The following INSL6 variants were observed in gnomAD, a reference collection of about 807,000 sequenced individuals.
INSL6 encodes the protein insulin-like peptide INSL6.
INSL6 carries 16 observed loss-of-function variants against 9.4 expected under a neutral mutation model. That is an observed-to-expected ratio of 1.70 (90% CI 1.15 to 2.59). INSL6 has a LOEUF of 2.59. Among genes scored for constraint, INSL6 ranks in the 30% most tolerant of loss-of-function variants. The pLI is 0.00. For missense variants in INSL6, 391 were observed against 257.3 expected, an observed-to-expected ratio of 1.52 and a Z score of -3.56; for synonymous variants, 154 against 96.9, an observed-to-expected ratio of 1.59 and a Z score of -3.46.
At chr9:5,005,546 A>G in the INSL6 span, among the ~76,000 whole-genome samples, 1 of 152,032 alleles carries the variant, frequency 6.6e-6, no homozygotes, top group Non-Finnish European at 1.5e-5. Context: ...TTAAAGTGTT[A>G]TTGGATTTAA....
intron 2 of INSL6, among the ~76,000 whole-genome samples, chr9:5,147,055 T>C (rs1342681220): frequency 2.2e-4 from 33 of 152,146 alleles, no homozygotes; most frequent in Non-Finnish European, 1.2e-4. Context: ...AAGTCTCTTA[T>C]GGGAGCAAGC....
downstream of INSL6, among the ~76,000 whole-genome samples, chr9:5,160,629 A>ATACTGGAG (rs1824906048): frequency 6.6e-6 from 1 of 152,208 alleles, no homozygotes; most frequent in Non-Finnish European, 1.5e-5. Flanking sequence ...ATTGAAATGA[A>ATACTGGAG]TACAAAAGAT....
chr9:5,044,844 ATAT>A, the INSL6 span, among the ~76,000 whole-genome samples: 4 of 152,238 alleles, frequency 2.6e-5, no homozygotes, highest in African/African-American at 9.6e-5. Flanking sequence ...CGTGGCTAAA[ATAT>A]TAGTAACATT....
chr9:5,111,135 C>G, the INSL6 span: 1 of 1,030,768 alleles, frequency 9.7e-7, no homozygotes, highest in East Asian at 3.0e-5. Flanking sequence ...GCTGGACGTT[C>G]AGCGAAGGCG....
At chr9:5,151,681 CAA>C (rs1011474194) in intron 2 of INSL6, among the ~76,000 whole-genome samples, 3 of 151,740 alleles carry the variant, frequency 2.0e-5, no homozygotes, top group African/African-American at 4.8e-5. Context: ...ATAGGAGAAA[CAA>C]AATGTAATTA....
At chr9:5,085,612 T>C in the INSL6 span, 2 of 700,712 alleles carry the variant, frequency 2.9e-6, no homozygotes, top group Non-Finnish European at 5.3e-6. Flanking sequence ...AAGAATTAAA[T>C]CTCCAGCAAG....
At chr9:5,012,438 A>T in the INSL6 span, among the ~76,000 whole-genome samples, 1 of 152,246 alleles carries the variant, frequency 6.6e-6, no homozygotes, top group African/African-American at 2.4e-5. Flanking sequence ...CTACTCTCTC[A>T]TTATCAAAAA....
intron 2 of INSL6, among the ~76,000 whole-genome samples, chr9:5,146,366 G>T (rs1463292374): frequency 6.6e-6 from 1 of 152,178 alleles, no homozygotes; most frequent in African/African-American, 2.4e-5. Flanking sequence ...TGGATTCAGG[G>T]GTGCCTGCCT....
chr9:5,148,406 G>A (rs183504303), intron 2 of INSL6, among the ~76,000 whole-genome samples: 27 of 152,260 alleles, frequency 1.8e-4, no homozygotes, highest in Admixed American at 4.6e-4. Flanking sequence ...CCATGTGAGG[G>A]AGAGAGAGGT....
At chr9:5,042,295 G>T in the INSL6 span, among the ~76,000 whole-genome samples, 2 of 151,354 alleles carry the variant, frequency 1.3e-5, no homozygotes, top group South Asian at 4.2e-4. Flanking sequence ...CCGCCACCGC[G>T]CCCGGCTAAT....
rs773745265 is a variant in INSL6 at position 5,185,442 on chromosome 9, C to G, written c.161G>C (p.Arg54Pro). Residue 54 changes from arginine (R) to proline (P), a missense_variant, in exon 1 of 2, where the codon CGT becomes CCT. Arg to Pro is a moderately radical substitution (Grantham distance 103). Transcript: ENST00000381641. ...LCGHANWSQFRFEEETPFSRL... is the reference protein window; with the variant it reads ...LCGHANWSQFPFEEETPFSRL... ...TGAGAAAGGGGTTTCCTCCTCGAAA[C>G]GGAACTGGCTCCAGTTGGCATGGCC... The G allele has an allele frequency of 1.2e-6, 2 of 1,614,170 alleles. No individual in the cohort carries two copies. The highest frequency in any genetic ancestry group is 1.7e-6 in the Non-Finnish European group (2 of 1,180,034).
chr9:5,161,194 C>G (rs1408774463), downstream of INSL6, among the ~76,000 whole-genome samples: 1 of 152,090 alleles, frequency 6.6e-6, no homozygotes, highest in Non-Finnish European at 1.5e-5. Context: ...CAACAAAATA[C>G]TAGTAAACCA....
chr9:5,126,777 A>T (rs1257354847), intron 3 of INSL6: 1 of 1,604,316 alleles, frequency 6.2e-7, no homozygotes, highest in Admixed American at 1.7e-5. Context: ...AATAAGGGAT[A>T]ACATGGCTGG....
chr9:5,108,572 A>G, the INSL6 span: 2 of 152,088 alleles, frequency 1.3e-5, no homozygotes, highest in Admixed American at 1.3e-4. Context: ...TGTGACTCCC[A>G]AAAGCCCATG....
downstream of INSL6, chr9:5,122,895 C>A: frequency 1.5e-6 from 1 of 677,386 alleles, no homozygotes; most frequent in Non-Finnish European, 2.4e-6. Context: ...GCTGTGATAA[C>A]TCTTTTCTCT....
chr9:5,032,933 C>T, the INSL6 span, among the ~76,000 whole-genome samples: 13,982 of 151,900 alleles, frequency 0.092, 1,939 homozygotes, highest in African/African-American at 0.3. Flanking sequence ...AGGCTTCAGA[C>T]GATCAAACTA....
chr9:5,169,518 A>C (rs746625827), intron 1 of INSL6, among the ~76,000 whole-genome samples: 1 of 152,212 alleles, frequency 6.6e-6, no homozygotes, highest in Non-Finnish European at 1.5e-5. Context: ...AAATTCACAC[A>C]TAACAATATT....
the INSL6 span, among the ~76,000 whole-genome samples, chr9:4,994,204 A>C: frequency 6.6e-6 from 1 of 152,232 alleles, no homozygotes; most frequent in East Asian, 1.9e-4. Flanking sequence ...TAAATATGCC[A>C]TAGGAACTTC....
chr9:5,048,279 T>A, the INSL6 span, among the ~76,000 whole-genome samples: 3 of 151,968 alleles, frequency 2.0e-5, no homozygotes, highest in African/African-American at 7.3e-5. Context: ...GTAGCTGGGA[T>A]TACAGGTGCC....
Sources: gnomAD v4.1 joint callset for allele counts (sites outside exome capture counted in the v4.1 genomes callset) on GRCh38, gnomAD v4.1.1 for gene constraint, MANE v1.5 for transcripts, NCBI Gene and HGNC (gene_info 2026-07-23, HGNC 2026-07-21) for gene names.